The following WIPF3 variants were observed in gnomAD, a reference collection of about 807,000 sequenced individuals.
The protein encoded by WIPF3 is WAS/WASL-interacting protein family member 3.
In WIPF3, 33 loss-of-function variants were observed where a neutral mutation model predicts 38.9. The ratio of observed to expected loss-of-function variants is 0.85; its 90% CI spans 0.64 to 1.14. The LOEUF is 1.14. Among genes scored for constraint, WIPF3 ranks in the 50% most tolerant of loss-of-function variants. The pLI, the probability that WIPF3 is intolerant of heterozygous loss-of-function variation, is 0.00. For synonymous variants in WIPF3, 324 were observed against 269.3 expected (o/e 1.20, Z -1.99); for missense variants, 711 against 652.5 (o/e 1.09, Z -0.98).
At chr7:29,808,002 T>C (rs2128060357) in intron 1 of WIPF3, among the ~76,000 whole-genome samples, 1 of 152,126 alleles carries the variant, frequency 6.6e-6, no homozygotes, top group East Asian at 1.9e-4. Context: ...AGAGGAGAGG[T>C]TGTTTTTGGG....
chr7:29,845,327 C>A (rs1442043626), intron 2 of WIPF3, among the ~76,000 whole-genome samples: 1 of 152,224 alleles, frequency 6.6e-6, no homozygotes, highest in Non-Finnish European at 1.5e-5. Flanking sequence ...GCCCCTTGAG[C>A]TCAGTGACAG....
intron 1 of WIPF3, among the ~76,000 whole-genome samples, chr7:29,832,780 C>G (rs76280217): frequency 0.026 from 3,963 of 152,176 alleles, 196 homozygotes; most frequent in African/African-American, 0.092. Flanking sequence ...ATTAATCCTG[C>G]TGGGAAAAAA....
intron 1 of WIPF3, among the ~76,000 whole-genome samples, chr7:29,808,079 G>C (rs1429511177): frequency 4.6e-5 from 7 of 152,180 alleles, no homozygotes; most frequent in African/African-American, 1.4e-4. Flanking sequence ...TGGGATGCTA[G>C]AAATGCTTCT....
chr7:29,820,510 T>C (rs1045457733), intron 1 of WIPF3, among the ~76,000 whole-genome samples: 3 of 152,166 alleles, frequency 2.0e-5, no homozygotes, highest in African/African-American at 7.2e-5. Flanking sequence ...TTTGTGCCCA[T>C]GTAATTCATT....
Position 29,884,411 on chromosome 7 carries a change from C to T in WIPF3, c.917C>T (p.Ala306Val). ...LPPYASCSPR[A>V]SLPAPPLPGV... ...CCTTATGCTTCTTGCTCCCCGAGGGCTTCTTTGCCCGCGCCCCCTTTGCCA... is the reference window on the plus strand; with the variant it reads ...CCTTATGCTTCTTGCTCCCCGAGGGTTTCTTTGCCCGCGCCCCCTTTGCCA... The change falls in exon 5 of 9, where the codon GCT becomes GTT. Residue 306 changes from alanine (A) to valine (V), a missense_variant. Coordinates refer to ENST00000242140, the MANE Select transcript of WIPF3 (RefSeq NM_001080529.3). The T allele has an allele frequency of 9.0e-7, 1 of 1,111,736 alleles. No individual in the cohort carries two copies. Among genetic ancestry groups the T allele is most frequent in the Non-Finnish European group, 1.2e-6 (1 of 856,200 alleles). 68.9% of individuals were successfully genotyped at this position (1,111,736 alleles called of 1,614,324 possible).
intron 4 of WIPF3, among the ~76,000 whole-genome samples, chr7:29,882,080 G>T (rs556991539): frequency 6.6e-6 from 1 of 152,220 alleles, no homozygotes; most frequent in Non-Finnish European, 1.5e-5. Flanking sequence ...CTTCTGCTGC[G>T]CATGTTAGGA....
At chr7:29,893,284 G>A (rs1426191911) in intron 7 of WIPF3, among the ~76,000 whole-genome samples, 1 of 151,984 alleles carries the variant, frequency 6.6e-6, no homozygotes, top group Non-Finnish European at 1.5e-5. Flanking sequence ...CATTTATGGT[G>A]AGGGGAGGTG....
intron 2 of WIPF3, among the ~76,000 whole-genome samples, chr7:29,858,522 C>G (rs1198329495): frequency 6.6e-6 from 1 of 152,198 alleles, no homozygotes. Context: ...ACTAAAAATA[C>G]ACCCCCCTTA....
Position 29,884,049 on chromosome 7 carries a change from C to A in WIPF3, c.555C>A (p.Pro185=). 7.0e-7 allele frequency: 1 copy of A among 1,424,894 alleles called. No homozygotes were observed. The highest frequency in any genetic ancestry group is 9.4e-7 in the Non-Finnish European group (1 of 1,068,206). 88.3% of individuals were successfully genotyped at this position (1,424,894 alleles called of 1,614,324 possible). A position where few individuals can be genotyped will look rare whatever the true frequency, so the allele number is the denominator to read the frequency against. ...PPPTPPPPPP[P]LPPPLPSSSP... is the part of the protein sequence containing the mutation. Reference sequence around the variant, plus strand: ...CCACCCCACCCCCTCCGCCTCCACCCTTACCCCCGCCCCTTCCCTCTTCCT... The same window carrying A: ...CCACCCCACCCCCTCCGCCTCCACCATTACCCCCGCCCCTTCCCTCTTCCT... The change falls in exon 5 of 9, where the codon CCC becomes CCA. Residue 185 remains proline (P), a synonymous_variant. Transcript: ENST00000242140.
At chr7:29,879,851 A>G (rs186468440) in intron 4 of WIPF3, among the ~76,000 whole-genome samples, 1 of 152,326 alleles carries the variant, frequency 6.6e-6, no homozygotes, top group East Asian at 1.9e-4. Context: ...AAGTATAAAT[A>G]AAGTCTCTTG....
chr7:29,838,930 C>T (rs1784869367), intron 2 of WIPF3, among the ~76,000 whole-genome samples: 1 of 152,038 alleles, frequency 6.6e-6, no homozygotes, highest in African/African-American at 2.4e-5. Flanking sequence ...GGAATAGCCA[C>T]GTGACAAAAG....
chr7:29,910,868 G>A (rs140231080), intron 8 of WIPF3, among the ~76,000 whole-genome samples: 1 of 152,294 alleles, frequency 6.6e-6, no homozygotes, highest in East Asian at 1.9e-4. Context: ...AGGCAAGGAT[G>A]CCTGCTTTCA....
At chr7:29,847,616 C>T (rs62457579) in intron 2 of WIPF3, among the ~76,000 whole-genome samples, 23,406 of 152,100 alleles carry the variant, frequency 0.15, 1,949 homozygotes, top group Non-Finnish European at 0.18. Flanking sequence ...AGGGGAAACC[C>T]AGCAAGGTGT....
intron 1 of WIPF3, among the ~76,000 whole-genome samples, chr7:29,808,436 G>A (rs992049398): frequency 1.3e-5 from 2 of 152,174 alleles, no homozygotes; most frequent in Non-Finnish European, 2.9e-5. Context: ...GAAAATAAAA[G>A]GTCACAGAGG....
chr7:29,914,346 C>A, intron 8 of WIPF3, 147 bp from the exon 9 acceptor site: 1 of 541,098 alleles, frequency 1.8e-6, no homozygotes. Context: ...AAAGTCAGCT[C>A]TTTGCATAGG....
intron 1 of WIPF3, among the ~76,000 whole-genome samples, chr7:29,833,877 G>C (rs191441928): frequency 6.6e-6 from 1 of 152,260 alleles, no homozygotes; most frequent in Non-Finnish European, 1.5e-5. Context: ...CTTGCAGTGT[G>C]CCTTGCTATG....
At chr7:29,843,346 C>A (rs1315962061) in intron 2 of WIPF3, among the ~76,000 whole-genome samples, 4 of 152,064 alleles carry the variant, frequency 2.6e-5, no homozygotes, top group Non-Finnish European at 5.9e-5. Context: ...CAGTGGTGTG[C>A]AGGAGGCAGC....
chr7:29,881,847 A>C (rs559371080), intron 4 of WIPF3, among the ~76,000 whole-genome samples: 3 of 152,214 alleles, frequency 2.0e-5, no homozygotes, highest in Admixed American at 2.0e-4. Flanking sequence ...TGATGCCCTC[A>C]ATCTGGCCTT....
chr7:29,821,853 T>C (rs1784541603), intron 1 of WIPF3, among the ~76,000 whole-genome samples: 1 of 152,194 alleles, frequency 6.6e-6, no homozygotes, highest in African/African-American at 2.4e-5. Flanking sequence ...ACCTGTTTTC[T>C]TTGGGCTTCT....
Sources: allele counts gnomAD v4.1 joint callset (sites outside exome capture counted in the v4.1 genomes callset), GRCh38; gene constraint gnomAD v4.1.1; transcripts MANE v1.5; gene names NCBI Gene and HGNC (gene_info 2026-07-23, HGNC 2026-07-21).